The following ACSBG2 variants were observed in gnomAD, a reference collection of about 807,000 sequenced individuals.
ACSBG2 encodes the protein acyl-CoA synthetase bubblegum family member 2, also known as long-chain-fatty-acid--CoA ligase ACSBG2.
ACSBG2 carries 62 observed loss-of-function variants against 74.7 expected under a neutral mutation model. That is an observed-to-expected ratio of 0.83 (90% confidence interval 0.68 to 1.03). The LOEUF is 1.03. Ranked by LOEUF, ACSBG2 falls within the 50% of genes least tolerant of loss-of-function variation. ACSBG2 has a pLI of 0.00. For synonymous variants in ACSBG2, 309 were observed against 294.1 expected (o/e 1.05, Z -0.52); for missense variants, 730 against 817.6 (o/e 0.89, Z 1.31).
chr19:6,139,046 C>T (rs775967523), intron 1 of ACSBG2, among the ~76,000 whole-genome samples: 1 of 151,874 alleles, frequency 6.6e-6, no homozygotes, highest in Admixed American at 6.6e-5. Flanking sequence ...GTGTAAACTC[C>T]GTAGGCTCAT....
At chr19:6,156,379 C>A in intron 4 of ACSBG2, 52 bp from the exon 5 acceptor site, 1 of 1,522,594 alleles carries the variant, frequency 6.6e-7, no homozygotes. Context: ...CCAGACCATT[C>A]TGCCTTTAAG....
At position 6,187,318 on chromosome 19, in the gene ACSBG2, C is replaced by T; in HGVS notation, c.1576C>T (p.Pro526Ser). 1 of 1,614,102 alleles carries T rather than the reference C, an allele frequency of 6.2e-7. No homozygotes were observed. Among genetic ancestry groups the T allele is most frequent in the Admixed American group, 1.7e-5 (1 of 60,006 alleles). ...LITAGGENVP[P>S]IPVETLVKKK... ...CACTGCTGGTGGTGAAAATGTGCCC[C>T]CCATTCCTGTTGAGACCTTGGTTAA... Residue 526 changes from proline to serine, a missense_variant, in exon 12 of 15, where the codon CCC (proline) becomes TCC (serine). Coordinates refer to ENST00000588485, the MANE Select transcript of ACSBG2 (RefSeq NM_030924.5).
chr19:6,141,364 G>A, intron 1 of ACSBG2, 149 bp from the exon 2 acceptor site: 2 of 563,842 alleles, frequency 3.5e-6, no homozygotes, highest in East Asian at 2.9e-5. Flanking sequence ...TGGCATGCCG[G>A]CCACTCTCCT....
intron 5 of ACSBG2, among the ~76,000 whole-genome samples, chr19:6,158,950 CTTTTT>C (rs1568230681): frequency 6.6e-6 from 1 of 151,644 alleles, no homozygotes; most frequent in Admixed American, 6.6e-5. Flanking sequence ...CTTTTCTTTT[CTTTTT>C]TTGTTTGTTT....
At chr19:6,158,068 T>C (rs1416645981) in intron 5 of ACSBG2, among the ~76,000 whole-genome samples, 1 of 151,422 alleles carries the variant, frequency 6.6e-6, no homozygotes, top group African/African-American at 2.4e-5. Flanking sequence ...TTCTTTTTTT[T>C]TTTTTGAGAC....
At chr19:6,171,486 A>T (rs1161520961) in intron 7 of ACSBG2, among the ~76,000 whole-genome samples, 1 of 152,116 alleles carries the variant, frequency 6.6e-6, no homozygotes, top group Non-Finnish European at 1.5e-5. Context: ...GTTTAGTGGG[A>T]TATAAAATTA....
chr19:6,138,486 G>C (rs2088668520), intron 1 of ACSBG2, among the ~76,000 whole-genome samples: 1 of 144,938 alleles, frequency 6.9e-6, no homozygotes, highest in Non-Finnish European at 1.5e-5. Flanking sequence ...GAGAGGGGAA[G>C]GGGGAAGGGG....
In ACSBG2 at chr19:6,141,494, C is replaced by A; in HGVS notation, c.-31-19C>A. ...CCCTTTGCCAATCCTGTTAAACTCC[C>A]TGCTTTTTTGCTTTGCAGTGCTGTG... On this transcript the variant is annotated intron_variant, in intron 1 of 14. Transcript: ENST00000588485. 7.7e-7 allele frequency: 1 copy of A among 1,305,160 alleles called. No individual in the cohort carries two copies. The highest frequency in any genetic ancestry group is 1.1e-6 in the Non-Finnish European group (1 of 898,250). The allele number at this position is 1,305,160 out of a possible 1,614,324, so 80.8% of individuals were successfully genotyped here. A position where few individuals can be genotyped will look rare whatever the true frequency, so the allele number is the denominator to read the frequency against.
intron 3 of ACSBG2, among the ~76,000 whole-genome samples, chr19:6,149,417 T>G (rs1035780740): frequency 2.0e-5 from 3 of 151,962 alleles, no homozygotes; most frequent in Non-Finnish European, 2.9e-5. Flanking sequence ...GAGGGAGTTT[T>G]CCCCTAAGGA....
rs1433684824 is a variant in ACSBG2, at chr19:6,180,588, T to C, written c.907-2163T>C. Among the ~76,000 whole-genome samples, 1 of 152,210 alleles carries C rather than the reference T, an allele frequency of 6.6e-6. No homozygotes were observed. The highest frequency in any genetic ancestry group is 1.5e-5 in the Non-Finnish European group (1 of 68,040). ...ACCAACTCCTAATATTGTCAAAATG[T>C]TTACAACTTGTCAATCTGAATAGTG... On this transcript the variant is annotated intron_variant, in intron 8 of 14. Coordinates refer to ENST00000588485, the MANE Select transcript of ACSBG2 (RefSeq NM_030924.5). This position sits in a 1 kb window ranked among gnomAD's most constrained non-coding sequence, Gnocchi z 4.3.
At chr19:6,173,610 C>T (rs80284985) in intron 7 of ACSBG2, among the ~76,000 whole-genome samples, 3,522 of 152,238 alleles carry the variant, frequency 0.023, 119 homozygotes, top group African/African-American at 0.076. Flanking sequence ...TCCTTTCCTA[C>T]GCCGCAGCTT....
At chr19:6,139,809 T>C (rs919121621) in intron 1 of ACSBG2, among the ~76,000 whole-genome samples, 16 of 152,200 alleles carry the variant, frequency 1.1e-4, no homozygotes, top group Non-Finnish European at 2.2e-4. Context: ...CCAGGTGTGG[T>C]GGCTCACACC....
chr19:6,181,324 G>A (rs906458262), intron 8 of ACSBG2, among the ~76,000 whole-genome samples: 3 of 146,918 alleles, frequency 2.0e-5, no homozygotes, highest in South Asian at 4.3e-4. Flanking sequence ...AGGAAGGAGG[G>A]AGGAAAAAAG....
At chr19:6,155,789 C>A (rs1458629983) in intron 4 of ACSBG2, among the ~76,000 whole-genome samples, 547 of 123,240 alleles carry the variant, frequency 4.4e-3, no homozygotes, top group Non-Finnish European at 4.9e-3. Flanking sequence ...GACCCTGTCT[C>A]AAAAAAAAAA....
chr19:6,143,377 C>T (rs892914579), intron 2 of ACSBG2, among the ~76,000 whole-genome samples: 4 of 117,240 alleles, frequency 3.4e-5, no homozygotes, highest in Non-Finnish European at 7.5e-5. Context: ...GAGTGAGACT[C>T]TGTCTCAAAA....
chr19:6,181,823 C>CCG (rs1040683615), intron 8 of ACSBG2, among the ~76,000 whole-genome samples: 4 of 131,462 alleles, frequency 3.0e-5, no homozygotes, highest in Admixed American at 7.8e-5. Context: ...GCCCCCCCCC[C>CCG]CAACGAAATT....
At chr19:6,144,213 G>C (rs1048399841) in intron 2 of ACSBG2, among the ~76,000 whole-genome samples, 2 of 152,164 alleles carry the variant, frequency 1.3e-5, no homozygotes, top group African/African-American at 4.8e-5. Flanking sequence ...AGCGAGGATG[G>C]TCTCGAACTT....
At chr19:6,181,278 A>G in intron 8 of ACSBG2, among the ~76,000 whole-genome samples, 3 of 127,696 alleles carry the variant, frequency 2.3e-5, no homozygotes, top group African/African-American at 5.8e-5. Flanking sequence ...AAGGGAGGGG[A>G]AGGGAGGGGA....
At chr19:6,175,067 A>G (rs2090057407) in intron 7 of ACSBG2, among the ~76,000 whole-genome samples, 1 of 152,198 alleles carries the variant, frequency 6.6e-6, no homozygotes, top group African/African-American at 2.4e-5. Flanking sequence ...CTGAACCAGG[A>G]GTGTCTAAAC....
Sources: allele counts gnomAD v4.1 joint callset (sites outside exome capture counted in the v4.1 genomes callset), GRCh38; gene constraint gnomAD v4.1.1; non-coding constraint Gnocchi (gnomAD v3.1); transcripts MANE v1.5; gene names NCBI Gene and HGNC (gene_info 2026-07-23, HGNC 2026-07-21).